WWC1: variants seen among roughly 807,000 people sequenced by gnomAD.
The protein encoded by WWC1 is WW and C2 domain containing 1.
A neutral mutation model predicts 138.4 loss-of-function variants in WWC1; 55 were observed. That is an observed-to-expected ratio of 0.40 (90% CI 0.32 to 0.50). The LOEUF (loss-of-function observed/expected upper bound fraction) is 0.50, where lower values mean the gene tolerates loss of function less well. Ranked by LOEUF, WWC1 falls within the 20% of genes least tolerant of loss-of-function variation. The pLI, the probability that WWC1 is intolerant of heterozygous loss-of-function variation, is 0.72. For synonymous variants in WWC1, 524 were observed against 564.9 expected, an observed-to-expected ratio of 0.93 and a Z score of 1.03; for missense variants, 1,226 against 1,420.4, an observed-to-expected ratio of 0.86 and a Z score of 2.20.
At chr5:168,298,539 A>G (rs1360314011) in intron 1 of WWC1, among the ~76,000 whole-genome samples, 2 of 152,158 alleles carry the variant, frequency 1.3e-5, no homozygotes, top group Non-Finnish European at 2.9e-5. Context: ...ATGGGAGTCT[A>G]CCATGCCTGG....
intron 17 of WWC1, among the ~76,000 whole-genome samples, chr5:168,450,183 A>G (rs17731849): frequency 6.6e-6 from 1 of 152,122 alleles, no homozygotes; most frequent in Non-Finnish European, 1.5e-5. Context: ...TCAGAAGTCA[A>G]GATGGGAATA....
intron 16 of WWC1, among the ~76,000 whole-genome samples, chr5:168,443,877 C>G (rs930058711): frequency 6.6e-6 from 1 of 152,214 alleles, no homozygotes; most frequent in Non-Finnish European, 1.5e-5. Context: ...CAATTATGTG[C>G]CAGGTATTCT....
At chr5:168,307,102 G>A (rs893416316) in intron 1 of WWC1, among the ~76,000 whole-genome samples, 3 of 152,210 alleles carry the variant, frequency 2.0e-5, no homozygotes, top group Non-Finnish European at 2.9e-5. Flanking sequence ...GCCAAGCTCT[G>A]GGCTGTGTGC....
At chr5:168,417,876 G>T (rs955678476) in intron 9 of WWC1, among the ~76,000 whole-genome samples, 9 of 152,154 alleles carry the variant, frequency 5.9e-5, no homozygotes, top group Non-Finnish European at 1.3e-4. Flanking sequence ...CATGGCTGTG[G>T]GTCTCCCACA....
chr5:168,321,026 G>A (rs6867033), intron 1 of WWC1, among the ~76,000 whole-genome samples: 319 of 152,276 alleles, frequency 2.1e-3, no homozygotes, highest in Non-Finnish European at 4.0e-3. Context: ...AGTTAGCTAA[G>A]GGTTTCTGTT....
chr5:168,328,300 A>G (rs1258911264), intron 1 of WWC1, among the ~76,000 whole-genome samples: 1 of 152,212 alleles, frequency 6.6e-6, no homozygotes, highest in Non-Finnish European at 1.5e-5. Context: ...AGAATGGGTT[A>G]TGAATGATGC....
At chr5:168,421,123 G>A (rs772794271) in intron 9 of WWC1, among the ~76,000 whole-genome samples, 35 of 152,296 alleles carry the variant, frequency 2.3e-4, no homozygotes, top group Non-Finnish European at 4.3e-4. Flanking sequence ...AGCCTTCCAT[G>A]TGGTCATTCA....
intron 18 of WWC1, among the ~76,000 whole-genome samples, 195 bp downstream of exon 18, chr5:168,454,295 C>T (rs1286848585): frequency 3.3e-5 from 5 of 152,184 alleles, no homozygotes; most frequent in African/African-American, 4.8e-5. Context: ...CTCTTTTCTT[C>T]TGCCCTCTGC....
intron 1 of WWC1, among the ~76,000 whole-genome samples, chr5:168,354,628 A>G (rs778394977): frequency 2.4e-4 from 37 of 152,156 alleles, no homozygotes; most frequent in Non-Finnish European, 4.7e-4. Context: ...CATGGACCCA[A>G]TTCCCGGGTC....
rs2152853217 is a variant in WWC1, at chr5:168,423,530, C to T, written c.1275-3C>T. The T allele has an allele frequency of 1.2e-6, 2 of 1,606,712 alleles. No homozygotes were observed. Among genetic ancestry groups the T allele is most frequent in the East Asian group, 2.2e-5 (1 of 44,836 alleles). On this transcript the variant is annotated splice_polypyrimidine_tract_variant and splice_region_variant and intron_variant, in intron 10 of 22. Transcript: ENST00000265293. ...CACTGTCCTTCCCCTCCCTGTGTCC[C>T]AGTCTCTCAAGCAGCATGCAGTCCC...
chr5:168,303,481 C>T (rs1486942158), intron 1 of WWC1, among the ~76,000 whole-genome samples: 1 of 152,034 alleles, frequency 6.6e-6, no homozygotes, highest in Non-Finnish European at 1.5e-5. Context: ...TGGTGGTCCA[C>T]ACCTATAGTC....
intron 2 of WWC1, among the ~76,000 whole-genome samples, chr5:168,377,062 G>C (rs927283717): frequency 5.3e-5 from 8 of 152,178 alleles, no homozygotes; most frequent in Non-Finnish European, 1.0e-4. Flanking sequence ...AAAACAGCAT[G>C]ATACTAGTAC....
chr5:168,304,723 G>C (rs954633080), intron 1 of WWC1, among the ~76,000 whole-genome samples: 1 of 152,170 alleles, frequency 6.6e-6, no homozygotes, highest in Non-Finnish European at 1.5e-5. Flanking sequence ...AGAAAGACCT[G>C]AGATATTTTG....
intron 17 of WWC1, among the ~76,000 whole-genome samples, chr5:168,448,807 G>A (rs1275150417): frequency 6.6e-6 from 1 of 151,970 alleles, no homozygotes; most frequent in Non-Finnish European, 1.5e-5. Flanking sequence ...TTTTAGTAGA[G>A]ATGGGGTTTC....
At chr5:168,339,907 T>TTCTC (rs10593765) in intron 1 of WWC1, among the ~76,000 whole-genome samples, 4 of 138,302 alleles carry the variant, frequency 2.9e-5, no homozygotes, top group Admixed American at 7.3e-5. Context: ...CTCTCTCTCT[T>TTCTC]TCTCTCTCTC....
At chr5:168,384,639 G>A (rs1777896565) in intron 2 of WWC1, among the ~76,000 whole-genome samples, 1 of 150,862 alleles carries the variant, frequency 6.6e-6, no homozygotes, top group African/African-American at 2.4e-5. Flanking sequence ...GTCTAGATTA[G>A]TACTCAAACC....
chr5:168,359,529 T>A (rs1351194703), intron 1 of WWC1, among the ~76,000 whole-genome samples: 5 of 152,258 alleles, frequency 3.3e-5, no homozygotes, highest in African/African-American at 7.2e-5. Context: ...TTGGGGTTTT[T>A]ATAAATAAAG....
chr5:168,354,034 G>T (rs1775203519), intron 1 of WWC1, among the ~76,000 whole-genome samples: 2 of 152,046 alleles, frequency 1.3e-5, no homozygotes, highest in African/African-American at 4.8e-5. Flanking sequence ...TTCCAAAAAT[G>T]AGTGCTTTTT....
chr5:168,346,697 G>A (rs555958481), intron 1 of WWC1, among the ~76,000 whole-genome samples: 1 of 152,316 alleles, frequency 6.6e-6, no homozygotes, highest in Middle Eastern at 3.4e-3. Context: ...GTAAAAGCCG[G>A]GACCTCCCAG....
Sources: allele counts gnomAD v4.1 joint callset (sites outside exome capture counted in the v4.1 genomes callset), GRCh38; gene constraint gnomAD v4.1.1; transcripts MANE v1.5; gene names NCBI Gene and HGNC (gene_info 2026-07-23, HGNC 2026-07-21).